Variants in GRID2 observed in about 807,000 individuals in gnomAD.
GRID2 encodes the protein glutamate ionotropic receptor delta type subunit 2, also known as glutamate receptor ionotropic, delta-2.
Under a neutral mutation model 114.8 loss-of-function variants are expected in GRID2, and 33 were observed. The observed-to-expected ratio is 0.29, with a 90% CI of 0.22 to 0.38. GRID2 has a LOEUF of 0.38. GRID2 is among the 10% of genes least tolerant of loss of function. The pLI is 1.00. For synonymous variants in GRID2, 505 were observed against 449.9 expected, an observed-to-expected ratio of 1.12 and a Z score of -1.55; for missense variants, 1,184 against 1,257.7, an observed-to-expected ratio of 0.94 and a Z score of 0.89.
intron 1 of GRID2, among the ~76,000 whole-genome samples, chr4:93,790,316 G>A (rs947534147): frequency 5.9e-5 from 9 of 152,028 alleles, no homozygotes; most frequent in South Asian, 2.1e-4. Context: ...TTTAGGACAC[G>A]TTACAATAAA....
chr4:92,706,515 TCAA>T (rs1734964813), intron 2 of GRID2, among the ~76,000 whole-genome samples: 1 of 144,274 alleles, frequency 6.9e-6, no homozygotes, highest in Non-Finnish European at 1.5e-5. Flanking sequence ...GGATAACCAC[TCAA>T]ATAGTGGTTA....
At chr4:93,088,235 A>G (rs926092095) in intron 3 of GRID2, among the ~76,000 whole-genome samples, 3 of 152,144 alleles carry the variant, frequency 2.0e-5, no homozygotes, top group African/African-American at 7.2e-5. Flanking sequence ...AGATGAAAAG[A>G]TGAAAAAAAT....
chr4:92,312,860 A>C (rs930125344), intron 1 of GRID2, among the ~76,000 whole-genome samples: 1 of 152,132 alleles, frequency 6.6e-6, no homozygotes. Context: ...TAGTATAGCA[A>C]CTATGGAAAA....
chr4:93,034,895 C>G (rs954780121), intron 2 of GRID2, among the ~76,000 whole-genome samples: 5 of 152,102 alleles, frequency 3.3e-5, no homozygotes, highest in Non-Finnish European at 7.4e-5. Flanking sequence ...TGGCCCCGTG[C>G]GTGTTCAGCA....
chr4:92,307,653 G>A (rs1725477740), intron 1 of GRID2, among the ~76,000 whole-genome samples: 1 of 152,028 alleles, frequency 6.6e-6, no homozygotes, highest in Non-Finnish European at 1.5e-5. Context: ...AAACCATAAT[G>A]ATTGAAATGA....
At chr4:92,543,575 T>G (rs997413638) in intron 1 of GRID2, among the ~76,000 whole-genome samples, 1 of 152,200 alleles carries the variant, frequency 6.6e-6, no homozygotes, top group African/African-American at 2.4e-5. Flanking sequence ...TTTTTATATG[T>G]GCATTCGCTT....
chr4:92,658,247 T>C (rs1456153512), intron 2 of GRID2, among the ~76,000 whole-genome samples: 1 of 151,876 alleles, frequency 6.6e-6, no homozygotes, highest in Non-Finnish European at 1.5e-5. Flanking sequence ...GATACGGTAC[T>C]CCTTATTCCA....
chr4:92,935,324 A>G lies in GRID2; in HGVS notation c.245-149671A>G. Among the ~76,000 whole-genome samples, 2 of 147,234 alleles carry G rather than the reference A, an allele frequency of 1.4e-5. 1 individual carries two copies. The highest frequency in any genetic ancestry group is 3.0e-5 in the Non-Finnish European group (2 of 66,538). On this transcript the variant is annotated intron_variant, in intron 2 of 15. Transcript: ENST00000282020. ...GGCCATCAGAGAAATGCAAATCAAAACCACAATGAGATACCATCTCACACC... is the reference window on the plus strand; with the variant it reads ...GGCCATCAGAGAAATGCAAATCAAAGCCACAATGAGATACCATCTCACACC...
intron 1 of GRID2, among the ~76,000 whole-genome samples, chr4:92,483,724 T>A (rs1722726434): frequency 6.6e-6 from 1 of 152,038 alleles, no homozygotes; most frequent in Non-Finnish European, 1.5e-5. Flanking sequence ...ATCAGAATAA[T>A]GAAAGTCATA....
In GRID2 at chr4:92,611,136, GTGTGTGTGCA is replaced by G. The variant is rs1420895577; in HGVS notation, c.244+20859_244+20868del. On this transcript the variant is annotated intron_variant, in intron 2 of 15. Coordinates refer to ENST00000282020, the MANE Select transcript of GRID2 (RefSeq NM_001510.4). ...TGTGTATGTGTGTGTGTGTGCATGT[GTGTGTGTGCA>G]TGTGTGTGTGTGTGTGTGTGTTTTA... 5.8e-4 allele frequency among the ~76,000 whole-genome samples: 80 copies of G among 137,304 alleles called. 1 individual carries two copies. The highest frequency in any genetic ancestry group is 3.5e-3 in the East Asian group (17 of 4,864). The allele number at this position is 137,304 out of a possible 152,430, so 90.1% of individuals were successfully genotyped here.
At chr4:92,471,536 TCTAA>T (rs1410990608) in intron 1 of GRID2, among the ~76,000 whole-genome samples, 1 of 152,082 alleles carries the variant, frequency 6.6e-6, no homozygotes, top group Non-Finnish European at 1.5e-5. Flanking sequence ...GCTTTTTAAC[TCTAA>T]CTGTTAACAT....
At chr4:92,547,946 GTAAA>G (rs1287430416) in intron 1 of GRID2, among the ~76,000 whole-genome samples, 1 of 152,028 alleles carries the variant, frequency 6.6e-6, no homozygotes, top group Non-Finnish European at 1.5e-5. Context: ...AATGGAAGAA[GTAAA>G]TAAAACAAAC....
At chr4:92,829,042 G>C (rs915281233) in intron 2 of GRID2, among the ~76,000 whole-genome samples, 18 of 152,020 alleles carry the variant, frequency 1.2e-4, no homozygotes, top group African/African-American at 4.3e-4. Context: ...GTCAATTTTG[G>C]CTTTTGTTGC....
rs149352161 is a variant in GRID2, at chr4:92,741,124, A to C, written c.244+150838A>C. Reference sequence around the variant, plus strand: ...ATGAAGATTCTGGTTAGGACACCTAAGTTCAAATTACGTCTCTTACTTTGG... The same window carrying C: ...ATGAAGATTCTGGTTAGGACACCTACGTTCAAATTACGTCTCTTACTTTGG... On this transcript the variant is annotated intron_variant, in intron 2 of 15. Transcript: ENST00000282020. 3.9e-5 allele frequency among the ~76,000 whole-genome samples: 6 copies of C among 152,238 alleles called. No individual in the cohort carries two copies. In the East Asian group the frequency reaches 1.2e-3, roughly 29 times the overall value.
chr4:93,233,737 C>T (rs1746428928), intron 7 of GRID2, among the ~76,000 whole-genome samples: 1 of 152,128 alleles, frequency 6.6e-6, no homozygotes, highest in South Asian at 2.1e-4. Context: ...ACCAGACTGA[C>T]TGCATGACAG....
chr4:93,563,432 G>A (rs899290742), intron 13 of GRID2, among the ~76,000 whole-genome samples: 4 of 151,824 alleles, frequency 2.6e-5, no homozygotes, highest in African/African-American at 9.7e-5. Context: ...TGTCTTTTAT[G>A]AAAGTAAACA....
intron 2 of GRID2, among the ~76,000 whole-genome samples, chr4:92,994,362 T>G (rs910055655): frequency 6.6e-6 from 1 of 152,144 alleles, no homozygotes; most frequent in Admixed American, 6.5e-5. Flanking sequence ...TGTTTGTTTG[T>G]TTGTTTTGAG....
chr4:93,069,425 T>A (rs753384367), intron 2 of GRID2, among the ~76,000 whole-genome samples: 48 of 152,016 alleles, frequency 3.2e-4, no homozygotes, highest in Admixed American at 8.6e-4. Context: ...GGACATTATT[T>A]AAAAGGCATA....
chr4:93,571,245 T>G (rs1410916611), intron 13 of GRID2, among the ~76,000 whole-genome samples: 4 of 152,138 alleles, frequency 2.6e-5, no homozygotes, highest in African/African-American at 9.7e-5. Context: ...GAAACATACC[T>G]TCTTTCTCTG....
Sources: allele counts gnomAD v4.1 joint callset (sites outside exome capture counted in the v4.1 genomes callset), GRCh38; gene constraint gnomAD v4.1.1; transcripts MANE v1.5; gene names NCBI Gene and HGNC (gene_info 2026-07-23, HGNC 2026-07-21).